The following IGF2BP3 variants were observed in gnomAD, a reference collection of about 807,000 sequenced individuals.
The protein encoded by IGF2BP3 is insulin-like growth factor 2 mRNA-binding protein 3.
In IGF2BP3, 9 loss-of-function variants were observed where a neutral mutation model predicts 73.8. That is an observed-to-expected ratio of 0.12 (90% CI 0.07 to 0.21). The LOEUF (loss-of-function observed/expected upper bound fraction) is 0.21, where lower values mean the gene tolerates loss of function less well. IGF2BP3 is among the 10% of genes least tolerant of loss of function. The pLI, the probability that IGF2BP3 is intolerant of heterozygous loss-of-function variation, is 1.00. For missense variants in IGF2BP3, 542 were observed against 714.0 expected, an observed-to-expected ratio of 0.76 and a Z score of 2.75; for synonymous variants, 258 against 256.7, an observed-to-expected ratio of 1.01 and a Z score of -0.05.
chr7:23,316,160 C>T (rs1783982018), intron 12 of IGF2BP3, among the ~76,000 whole-genome samples: 1 of 152,220 alleles, frequency 6.6e-6, no homozygotes, highest in African/African-American at 2.4e-5. Flanking sequence ...TAAATTTCTT[C>T]ACATGATTTT....
rs1784069226 is a variant in IGF2BP3 at position 23,319,141 on chromosome 7, A to T, written c.1317T>A (p.Ile439=). Residue 439 remains isoleucine (I), a synonymous_variant, in exon 11 of 15, where the codon ATT becomes ATA. Transcript: ENST00000258729. Reference sequence around the variant, plus strand: ...ACCACAGCTGGTAGAACAGTACCTTAATTGAAGCTCCAGCAAAGCGAGAAA... The same window carrying T: ...ACCACAGCTGGTAGAACAGTACCTTTATTGAAGCTCCAGCAAAGCGAGAAA... The part of the protein sequence containing the change: ...KQLSRFAGAS[I]KIAPAEAPDA... The T allele has an allele frequency of 1.2e-6, 2 of 1,604,124 alleles. No individual in the cohort carries two copies. The highest frequency in any genetic ancestry group is 2.7e-5 in the African/African-American group (2 of 74,728).
chr7:23,401,933 A>G (rs1341533579), intron 3 of IGF2BP3, among the ~76,000 whole-genome samples: 1 of 152,098 alleles, frequency 6.6e-6, no homozygotes. Flanking sequence ...CCTGGCCAAC[A>G]TGGCAAAACC....
rs773973480 is a variant in IGF2BP3, at chr7:23,311,564, G to A, written c.*798C>T. On this transcript the variant is annotated 3_prime_UTR_variant, in exon 15 of 15. Transcript: ENST00000258729. Reference sequence around the variant, plus strand: ...ATACTAGGCACTGCTCCGTATTTTTGAACATTTGATTTAACTAATAACTGT... The same window carrying A: ...ATACTAGGCACTGCTCCGTATTTTTAAACATTTGATTTAACTAATAACTGT... The A allele has an allele frequency of 6.6e-6, 1 of 152,202 alleles. No individual in the cohort carries two copies. Among genetic ancestry groups the A allele is most frequent in the East Asian group, 1.9e-4 (1 of 5,188 alleles). 9.4% of individuals were successfully genotyped at this position (152,202 alleles called of 1,614,324 possible).
rs758491169 is a variant in IGF2BP3 at position 23,469,928 on chromosome 7, G to T, written c.175+8C>A. ...CGAGAGCCCGGGTGGGGCCAGGCCCGGGCCCACCTGAAAGCGCCTCGATGG... is the reference window on the plus strand; with the variant it reads ...CGAGAGCCCGGGTGGGGCCAGGCCCTGGCCCACCTGAAAGCGCCTCGATGG... On this transcript the variant is annotated splice_region_variant and intron_variant, in intron 1 of 14. Coordinates refer to ENST00000258729, the MANE Select transcript of IGF2BP3 (RefSeq NM_006547.3). This position sits in a 1 kb window ranked among gnomAD's most constrained non-coding sequence, Gnocchi z 6.1. 2 of 1,604,622 alleles carry T rather than the reference G, an allele frequency of 1.2e-6. No individual in the cohort carries two copies. The highest frequency in any genetic ancestry group is 3.4e-5 in the Admixed American group (2 of 59,398).
intron 6 of IGF2BP3, among the ~76,000 whole-genome samples, chr7:23,349,548 A>C (rs1338088759): frequency 6.6e-6 from 1 of 152,128 alleles, no homozygotes; most frequent in Non-Finnish European, 1.5e-5. Context: ...TCACCCTTTC[A>C]CTGTGCTAAG....
intron 11 of IGF2BP3, chr7:23,317,967 C>G (rs1784036639): frequency 1.2e-5 from 6 of 519,624 alleles, no homozygotes; most frequent in Non-Finnish European, 2.1e-5. Flanking sequence ...CTCACCACGT[C>G]CTGATGAAGT....
intron 3 of IGF2BP3, among the ~76,000 whole-genome samples, chr7:23,401,327 C>CCAGCATCATGGAGG (rs1786656115): frequency 6.6e-6 from 1 of 152,146 alleles, no homozygotes; most frequent in African/African-American, 2.4e-5. Context: ...ATCATGGCTG[C>CCAGCATCATGGAGG]CAGCATCATG....
intron 10 of IGF2BP3, among the ~76,000 whole-genome samples, chr7:23,332,479 T>C (rs274031): frequency 6.6e-6 from 1 of 152,332 alleles, no homozygotes; most frequent in East Asian, 1.9e-4. Flanking sequence ...CTATTCAGCA[T>C]TTTTAGAACA....
intron 3 of IGF2BP3, among the ~76,000 whole-genome samples, chr7:23,383,921 C>A (rs1461640792): frequency 2.0e-5 from 3 of 151,528 alleles, no homozygotes; most frequent in African/African-American, 7.3e-5. Flanking sequence ...ACGGTGAGAC[C>A]CCATCTCTAC....
chr7:23,368,817 A>T (rs947459861), intron 3 of IGF2BP3, among the ~76,000 whole-genome samples: 1 of 152,092 alleles, frequency 6.6e-6, no homozygotes, highest in East Asian at 1.9e-4. Flanking sequence ...GAATCACTTG[A>T]ACCCAGGAGG....
At chr7:23,442,905 T>A (rs1349087211) in intron 2 of IGF2BP3, among the ~76,000 whole-genome samples, 1 of 152,130 alleles carries the variant, frequency 6.6e-6, no homozygotes, top group Admixed American at 6.6e-5. Context: ...CAAATTAAAA[T>A]GTACCATAAA....
rs1217822511 is a variant in IGF2BP3, at chr7:23,311,058, C to A, written c.*1304G>T. 1 of 151,876 alleles carries A rather than the reference C, an allele frequency of 6.6e-6. No homozygotes were observed. The allele number at this position is 151,876 out of a possible 1,614,324, so 9.4% of individuals were successfully genotyped here. ...ATCTTTTGACTTTTTTTTCAAAGAA[C>A]TGATTGCACAGTATACAGAAATCCT... On this transcript the variant is annotated 3_prime_UTR_variant, in exon 15 of 15. Transcript: ENST00000258729.
rs1435901010 is a variant in IGF2BP3 at position 23,310,610 on chromosome 7, T to G, written c.*1752A>C. On this transcript the variant is annotated 3_prime_UTR_variant, in exon 15 of 15. Coordinates refer to ENST00000258729, the MANE Select transcript of IGF2BP3 (RefSeq NM_006547.3). The stretch of plus-strand genomic sequence containing the variant: ...AATTCATTGTATGAAAAAAAAATCA[T>G]GAATGCTAGGAGAATCCAGTGACAA... The G allele has an allele frequency of 6.6e-6, 1 of 152,160 alleles. No homozygotes were observed. Among genetic ancestry groups the G allele is most frequent in the Non-Finnish European group, 1.5e-5 (1 of 68,030 alleles). 9.4% of individuals were successfully genotyped at this position (152,160 alleles called of 1,614,324 possible). A position where few individuals can be genotyped will look rare whatever the true frequency, so the allele number is the denominator to read the frequency against.
chr7:23,351,658 C>T lies in IGF2BP3; in HGVS notation c.402-72G>A. ...TGACACATCTTTTAGCAAAGCAACACCCATCTCTTCTACTCAGCATTACTA... is the reference window on the plus strand; with the variant it reads ...TGACACATCTTTTAGCAAAGCAACATCCATCTCTTCTACTCAGCATTACTA... On this transcript the variant is annotated intron_variant, in intron 5 of 14. Transcript: ENST00000258729. 3 of 1,504,960 alleles carry T rather than the reference C, an allele frequency of 2.0e-6. No homozygotes were observed. The South Asian group carries it at 3.6e-5, about 18-fold the overall frequency. The allele number at this position is 1,504,960 out of a possible 1,614,324, so 93.2% of individuals were successfully genotyped here.
At chr7:23,391,763 C>T (rs889737135) in intron 3 of IGF2BP3, among the ~76,000 whole-genome samples, 5 of 152,112 alleles carry the variant, frequency 3.3e-5, no homozygotes, top group African/African-American at 1.2e-4. Context: ...TGTAGACAGG[C>T]CCAGTACACA....
chr7:23,428,073 G>A (rs1787563007), intron 2 of IGF2BP3, among the ~76,000 whole-genome samples: 1 of 152,088 alleles, frequency 6.6e-6, no homozygotes, highest in Admixed American at 6.6e-5. Flanking sequence ...CTACTTAGGA[G>A]GCTGAAGCAG....
At chr7:23,336,395 T>A (rs1784573901) in intron 10 of IGF2BP3, among the ~76,000 whole-genome samples, 1 of 152,072 alleles carries the variant, frequency 6.6e-6, no homozygotes, top group African/African-American at 2.4e-5. Flanking sequence ...CAGGAACAGT[T>A]TAAAAGTGCT....
At chr7:23,451,779 TC>T (rs1232699497) in intron 2 of IGF2BP3, among the ~76,000 whole-genome samples, 4 of 151,292 alleles carry the variant, frequency 2.6e-5, no homozygotes, top group Admixed American at 2.6e-4. Context: ...TGAAACCCTG[TC>T]CTACTGAAAA....
chr7:23,444,384 A>G (rs866351515), intron 2 of IGF2BP3, among the ~76,000 whole-genome samples: 3 of 152,150 alleles, frequency 2.0e-5, no homozygotes, highest in Non-Finnish European at 4.4e-5. Flanking sequence ...CACTACTTTA[A>G]TAGTATTTAA....
Sources: allele counts gnomAD v4.1 joint callset (sites outside exome capture counted in the v4.1 genomes callset), GRCh38; gene constraint gnomAD v4.1.1; non-coding constraint Gnocchi (gnomAD v3.1); transcripts MANE v1.5; gene names NCBI Gene and HGNC (gene_info 2026-07-23, HGNC 2026-07-21).